Variants in TVP23B observed in about 807,000 individuals in gnomAD.
TVP23B encodes trans-golgi network vesicle protein 23 homolog B, also known as Golgi apparatus membrane protein TVP23 homolog B.
Under a neutral mutation model 30.6 loss-of-function variants are expected in TVP23B, and 10 were observed. The ratio of observed to expected loss-of-function variants is 0.33; its 90% CI spans 0.20 to 0.55. The LOEUF is 0.55. TVP23B is among the 20% of genes least tolerant of loss of function. TVP23B has a pLI of 0.91. For missense variants in TVP23B, 153 were observed against 243.2 expected, an observed-to-expected ratio of 0.63 and a Z score of 2.47; for synonymous variants, 67 against 83.1, an observed-to-expected ratio of 0.81 and a Z score of 1.06.
At chr17:18,798,189 C>T (rs2036103919) in intron 4 of TVP23B, among the ~76,000 whole-genome samples, 1 of 152,144 alleles carries the variant, frequency 6.6e-6, no homozygotes, top group African/African-American at 2.4e-5. Context: ...TGAATATTCA[C>T]TTTCCTTGTG....
intron 1 of TVP23B, chr17:18,782,492 G>C (rs1466199454): frequency 1.3e-5 from 2 of 150,730 alleles, no homozygotes; most frequent in African/African-American, 4.9e-5. Context: ...GCTACAGAGG[G>C]AGACTCCGTC....
At chr17:18,798,368 A>G (rs1417398894) in intron 4 of TVP23B, among the ~76,000 whole-genome samples, 5 of 151,596 alleles carry the variant, frequency 3.3e-5, no homozygotes, top group African/African-American at 4.8e-5. Context: ...GGGTATTGCT[A>G]AGACATTTTG....
intron 3 of TVP23B, among the ~76,000 whole-genome samples, chr17:18,791,780 A>AGATG (rs1192681303): frequency 8.5e-5 from 13 of 152,048 alleles, no homozygotes; most frequent in African/African-American, 9.7e-5. Flanking sequence ...ATGATTAGAG[A>AGATG]GATGGATGGA....
chr17:18,802,178 T>C (rs1243857782), intron 5 of TVP23B, among the ~76,000 whole-genome samples: 1 of 152,070 alleles, frequency 6.6e-6, no homozygotes, highest in Non-Finnish European at 1.5e-5. Flanking sequence ...GCCAAGATCG[T>C]GCCACCGCAC....
chr17:18,788,993 A>G (rs1013657315), intron 1 of TVP23B: 1 of 204,006 alleles, frequency 4.9e-6, no homozygotes, highest in Non-Finnish European at 1.0e-5. Context: ...TGAAGGAGCC[A>G]GAAACCTTGA....
intron 2 of TVP23B, among the ~76,000 whole-genome samples, 169 bp from the exon 3 acceptor site, chr17:18,790,727 G>C (rs9901398): frequency 0.011 from 1,682 of 152,212 alleles, 37 homozygotes; most frequent in African/African-American, 0.039. Flanking sequence ...CAAATAGTGG[G>C]GCTTAAGAAA....
At chr17:18,788,648 G>T (rs952029308) in intron 1 of TVP23B, among the ~76,000 whole-genome samples, 2 of 151,382 alleles carry the variant, frequency 1.3e-5, no homozygotes, top group African/African-American at 2.4e-5. Context: ...TGGGTGTGGT[G>T]GCACACGCCT....
intron 1 of TVP23B, among the ~76,000 whole-genome samples, chr17:18,787,074 G>T (rs932000454): frequency 1.3e-5 from 2 of 150,644 alleles, no homozygotes; most frequent in Non-Finnish European, 3.0e-5. Context: ...TGAATGCTCT[G>T]CTAGACACTA....
chr17:18,800,675 A>G (rs1289274867), intron 5 of TVP23B, among the ~76,000 whole-genome samples: 1 of 151,520 alleles, frequency 6.6e-6, no homozygotes, highest in African/African-American at 2.4e-5. Context: ...ATCTGTATTT[A>G]TCTTTCCATA....
intron 5 of TVP23B, among the ~76,000 whole-genome samples, chr17:18,803,129 T>C (rs998107835): frequency 2.6e-5 from 4 of 152,212 alleles, no homozygotes; most frequent in Non-Finnish European, 5.9e-5. Flanking sequence ...GAAAACGACA[T>C]TTCATTGAGC....
intron 3 of TVP23B, chr17:18,797,187 G>A: frequency 9.3e-6 from 2 of 214,686 alleles, no homozygotes; most frequent in Non-Finnish European, 1.9e-5. Flanking sequence ...CTGAAGGCCA[G>A]TGTCTATAAT....
At chr17:18,795,059 T>G (rs2036056089) in intron 3 of TVP23B, among the ~76,000 whole-genome samples, 1 of 148,804 alleles carries the variant, frequency 6.7e-6, no homozygotes, top group Non-Finnish European at 1.5e-5. Context: ...AAAATCTTGC[T>G]TTGTCACCCA....
intron 2 of TVP23B, among the ~76,000 whole-genome samples, chr17:18,790,481 A>AAAAG (rs1164762061): frequency 3.2e-4 from 9 of 28,462 alleles, no homozygotes; most frequent in African/African-American, 7.7e-4. Flanking sequence ...AAAAAAAAAG[A>AAAAG]AAAGAAAGAA....
At chr17:18,800,819 A>G (rs62075107) in intron 5 of TVP23B, among the ~76,000 whole-genome samples, 12,707 of 152,150 alleles carry the variant, frequency 0.084, 445 homozygotes, top group African/African-American at 0.092. Context: ...AGTACCAGTT[A>G]CGTTTATGTT....
At chr17:18,787,877 G>A (rs1191896201) in intron 1 of TVP23B, among the ~76,000 whole-genome samples, 1 of 152,076 alleles carries the variant, frequency 6.6e-6, no homozygotes, top group African/African-American at 2.4e-5. Context: ...GTGACATGGT[G>A]TGATTTCCAT....
chr17:18,781,544 C>G, intron 1 of TVP23B: 1 of 581,620 alleles, frequency 1.7e-6, no homozygotes. Flanking sequence ...GTGGGGACGC[C>G]CATTGTTAAC....
At chr17:18,801,252 G>A (rs2036161934) in intron 5 of TVP23B, among the ~76,000 whole-genome samples, 1 of 149,786 alleles carries the variant, frequency 6.7e-6, no homozygotes, top group African/African-American at 2.4e-5. Flanking sequence ...TTTTATTTTG[G>A]TGGGGTTTTT....
intron 5 of TVP23B, among the ~76,000 whole-genome samples, chr17:18,800,431 GTTGGCTACATTTTCTT>G (rs1345277936): frequency 2.6e-5 from 4 of 152,194 alleles, no homozygotes; most frequent in African/African-American, 9.6e-5. Context: ...TTACTTATTG[GTTGGCTACATTTTCTT>G]TTGACTCATG....
At chr17:18,800,380 C>T (rs927304989) in intron 5 of TVP23B, among the ~76,000 whole-genome samples, 1 of 152,244 alleles carries the variant, frequency 6.6e-6, no homozygotes. Flanking sequence ...TTAAAAAAGT[C>T]GATTCATTGC....
Sources: gnomAD v4.1 joint callset for allele counts (sites outside exome capture counted in the v4.1 genomes callset) on GRCh38, gnomAD v4.1.1 for gene constraint, MANE v1.5 for transcripts, NCBI Gene and HGNC (gene_info 2026-07-23, HGNC 2026-07-21) for gene names.